The following ENPP5 variants were observed in gnomAD, a reference collection of about 807,000 sequenced individuals.
ENPP5 encodes ectonucleotide pyrophosphatase/phosphodiesterase family member 5.
ENPP5 carries 27 observed loss-of-function variants against 33.7 expected under a neutral mutation model. The observed-to-expected ratio is 0.80, with a 90% confidence interval of 0.59 to 1.11. The LOEUF (loss-of-function observed/expected upper bound fraction) is 1.11, where lower values mean the gene tolerates loss of function less well. ENPP5 is among the 50% of genes least tolerant of loss of function. The pLI is 0.00. For missense variants in ENPP5, 552 were observed against 579.2 expected (o/e 0.95, Z 0.48); for synonymous variants, 199 against 200.5 (o/e 0.99, Z 0.06).
chr6:46,164,481 A>G (rs1562069120), intron 4 of ENPP5, among the ~76,000 whole-genome samples: 1 of 152,226 alleles, frequency 6.6e-6, no homozygotes, highest in African/African-American at 2.4e-5. Flanking sequence ...GAATCATTAA[A>G]CATAATATAA....
chr6:46,165,290 A>G, intron 4 of ENPP5, 97 bp downstream of exon 4: 2 of 939,724 alleles, frequency 2.1e-6, no homozygotes, highest in Non-Finnish European at 1.5e-6. Context: ...ACAGACAGTA[A>G]AAATATCAAT....
In ENPP5 at chr6:46,161,271, A is replaced by C; in HGVS notation, c.*55T>G. ...TTCCCAGAATTTGAAACCTTTAAAC[A>C]CTGACATAATTATGGAATCTCCACT... On this transcript the variant is annotated 3_prime_UTR_variant, in exon 5 of 5. Coordinates refer to ENST00000371383, the MANE Select transcript of ENPP5 (RefSeq NM_001290072.2). The C allele has an allele frequency of 2.7e-6, 4 of 1,472,948 alleles. No homozygotes were observed. The highest frequency in any genetic ancestry group is 3.7e-6 in the Non-Finnish European group (4 of 1,080,890). The allele number at this position is 1,472,948 out of a possible 1,614,324, so 91.2% of individuals were successfully genotyped here.
intron 2 of ENPP5, among the ~76,000 whole-genome samples, chr6:46,169,577 G>C (rs950775048): frequency 1.3e-5 from 2 of 152,126 alleles, no homozygotes; most frequent in African/African-American, 4.8e-5. Flanking sequence ...ATTTTCAGTA[G>C]AGACAGGGTT....
chr6:46,167,127 A>T (rs1478423007), intron 3 of ENPP5, among the ~76,000 whole-genome samples: 1 of 152,116 alleles, frequency 6.6e-6, no homozygotes, highest in East Asian at 1.9e-4. Flanking sequence ...GTATCTTTCC[A>T]TCTCAATTTT....
rs1453788880 is a variant in ENPP5, at chr6:46,159,229, C to G, written c.*2097G>C. 1 of 152,090 alleles carries G rather than the reference C, an allele frequency of 6.6e-6. No individual in the cohort carries two copies. The highest frequency in any genetic ancestry group is 1.9e-4 in the East Asian group (1 of 5,194). 9.4% of individuals were successfully genotyped at this position (152,090 alleles called of 1,614,324 possible). ...AGTTTTATTTTTCTTCAGGTAAACT[C>G]TCCTATTTTACAGGAAAATAAGTAT... On this transcript the variant is annotated 3_prime_UTR_variant, in exon 5 of 5. Transcript: ENST00000371383.
At chr6:46,168,850 A>G (rs961958049) in intron 2 of ENPP5, among the ~76,000 whole-genome samples, 2 of 152,122 alleles carry the variant, frequency 1.3e-5, no homozygotes, top group African/African-American at 4.8e-5. Flanking sequence ...CTAAAGAGAG[A>G]GGAAAATAGA....
In ENPP5 at chr6:46,161,104, G is replaced by T. The variant is rs575125750; in HGVS notation, c.*222C>A. 1 of 529,710 alleles carries T rather than the reference G, an allele frequency of 1.9e-6. No individual in the cohort carries two copies. Among genetic ancestry groups the T allele is most frequent in the Non-Finnish European group, 3.4e-6 (1 of 294,252 alleles). The allele number at this position is 529,710 out of a possible 1,614,324, so 32.8% of individuals were successfully genotyped here. On this transcript the variant is annotated 3_prime_UTR_variant, in exon 5 of 5. Transcript: ENST00000371383. ...ATCTTATCTATCCCTATGCTACAGTGAACAATGGAGACATACTCTCACATC... is the reference window on the plus strand; with the variant it reads ...ATCTTATCTATCCCTATGCTACAGTTAACAATGGAGACATACTCTCACATC...
chr6:46,170,390 A>T (rs1365185178), intron 1 of ENPP5, among the ~76,000 whole-genome samples: 2 of 146,882 alleles, frequency 1.4e-5, no homozygotes, highest in Non-Finnish European at 1.5e-5. Context: ...AACAATCAGA[A>T]TTTTTTTTTT....
rs546695032 is a variant in ENPP5, at chr6:46,159,218, T to C, written c.*2108A>G. 5.1e-4 allele frequency: 78 copies of C among 152,304 alleles called. No individual in the cohort carries two copies. Among genetic ancestry groups the C allele is most frequent in the African/African-American group, 1.7e-3 (69 of 41,578 alleles). 9.4% of individuals were successfully genotyped at this position (152,304 alleles called of 1,614,324 possible). A position where few individuals can be genotyped will look rare whatever the true frequency, so the allele number is the denominator to read the frequency against. Reference sequence around the variant, plus strand: ...GAAAAGTTAAAAGTTTTATTTTTCTTCAGGTAAACTCTCCTATTTTACAGG... The same window carrying C: ...GAAAAGTTAAAAGTTTTATTTTTCTCCAGGTAAACTCTCCTATTTTACAGG... On this transcript the variant is annotated 3_prime_UTR_variant, in exon 5 of 5. Coordinates refer to ENST00000371383, the MANE Select transcript of ENPP5 (RefSeq NM_001290072.2).
In ENPP5 at chr6:46,161,660, G is replaced by A; in HGVS notation, c.1100C>T (p.Ala367Val). The A allele has an allele frequency of 1.2e-6, 2 of 1,613,510 alleles. No individual in the cohort carries two copies. The highest frequency in any genetic ancestry group is 1.7e-6 in the Non-Finnish European group (2 of 1,179,482). ...PAFRKNFSKEAMNSTDLYPLL... is the reference protein window; with the variant it reads ...PAFRKNFSKEVMNSTDLYPLL... ...TGGGTACAAATCTGTGGAGTTCATG[G>A]CTTCTTTTGAGAAATTCTTTCTGAA... Residue 367 changes from alanine (A) to valine (V), a missense_variant, in exon 5 of 5, where the codon GCC (alanine) becomes GTC (valine). Physicochemically the swap from Ala to Val is moderately conservative, Grantham distance 64 (BLOSUM62 0). Transcript: ENST00000371383.
rs1157765871 is a variant in ENPP5 at position 46,167,754 on chromosome 6, A to G, written c.509T>C (p.Ile170Thr). Residue 170 changes from isoleucine (I) to threonine (T), a missense_variant, in exon 3 of 5, where the codon ATT (isoleucine) becomes ACT (threonine). By Grantham distance (89) the Ile-to-Thr change is moderately conservative. Transcript: ENST00000371383. The part of the protein sequence containing the change: ...SVSFEDRVAK[I>T]IEWFTSKEPI... ...CTCTTTTGACGTAAACCATTCAATAATTTTGGCAACTCTATCTTCAAATGA... is the reference window on the plus strand; with the variant it reads ...CTCTTTTGACGTAAACCATTCAATAGTTTTGGCAACTCTATCTTCAAATGA... 1 of 1,614,026 alleles carries G rather than the reference A, an allele frequency of 6.2e-7. No individual in the cohort carries two copies. Among genetic ancestry groups the G allele is most frequent in the Non-Finnish European group, 8.5e-7 (1 of 1,180,042 alleles).
At position 46,167,854 on chromosome 6, in the gene ENPP5, C is replaced by A; in HGVS notation, c.409G>T (p.Ala137Ser). 6.2e-7 allele frequency: 1 copy of A among 1,614,178 alleles called. No individual in the cohort carries two copies. The highest frequency in any genetic ancestry group is 1.1e-5 in the South Asian group (1 of 91,078). The change falls in exon 3 of 5, where the codon GCC becomes TCC. Residue 137 changes from alanine to serine, a missense_variant. Transcript: ENST00000371383. Reference protein sequence around the residue: ...NQRAGHTSGAAMWPGTDVKIH... With the variant: ...NQRAGHTSGASMWPGTDVKIH... Reference sequence around the variant, plus strand: ...TTTACATCTGTTCCGGGCCACATGGCTGCACCACTAGTATGTCCTGCCCTC... The same window carrying A: ...TTTACATCTGTTCCGGGCCACATGGATGCACCACTAGTATGTCCTGCCCTC...
Position 46,160,361 on chromosome 6 carries a change from G to A in ENPP5, c.*965C>T, listed in dbSNP as rs954050779. ...ATGCTCAAATCTAAAAGATGCTTGT[G>A]CTCTGTTATTATGCGCTACCAGAAA... is the stretch of plus-strand genomic sequence containing the variant. On this transcript the variant is annotated 3_prime_UTR_variant, in exon 5 of 5. Transcript: ENST00000371383. 4 of 151,960 alleles carry A rather than the reference G, an allele frequency of 2.6e-5. No individual in the cohort carries two copies. Among genetic ancestry groups the A allele is most frequent in the African/African-American group, 9.7e-5 (4 of 41,388 alleles). 9.4% of individuals were successfully genotyped at this position (151,960 alleles called of 1,614,324 possible). A position where few individuals can be genotyped will look rare whatever the true frequency, so the allele number is the denominator to read the frequency against.
At chr6:46,162,591 C>G (rs186402956) in intron 4 of ENPP5, among the ~76,000 whole-genome samples, 530 of 152,248 alleles carry the variant, frequency 3.5e-3, no homozygotes, top group Non-Finnish European at 5.9e-3. Context: ...AAATCCATCT[C>G]TAATACTTAT....
intron 4 of ENPP5, among the ~76,000 whole-genome samples, chr6:46,162,676 C>T (rs147506723): frequency 0.01 from 1,552 of 152,126 alleles, 17 homozygotes; most frequent in South Asian, 0.029. Context: ...ATCAGTTTTT[C>T]GAAAAGTCAT....
At chr6:46,165,600 A>C (rs1581970196) in intron 3 of ENPP5, 37 bp from the exon 4 acceptor site, 1 of 1,429,852 alleles carries the variant, frequency 7.0e-7, no homozygotes, top group Non-Finnish European at 9.3e-7. Flanking sequence ...AGAACAAAAT[A>C]CTCATAGCTA....
chr6:46,165,587 C>T (rs750236145), intron 3 of ENPP5, 24 bp from the exon 4 acceptor site: 2 of 1,507,678 alleles, frequency 1.3e-6, no homozygotes, highest in Non-Finnish European at 1.8e-6. Context: ...AGGAGAGGCA[C>T]TCAGAACAAA....
chr6:46,165,224 A>T (rs1764506549), intron 4 of ENPP5, 163 bp downstream of exon 4: 3 of 537,350 alleles, frequency 5.6e-6, no homozygotes, highest in Non-Finnish European at 9.2e-6. Context: ...ACCAATATCT[A>T]AAAAAAGCAT....
intron 2 of ENPP5, among the ~76,000 whole-genome samples, chr6:46,169,115 C>G (rs906301895): frequency 2.0e-5 from 3 of 152,160 alleles, no homozygotes; most frequent in Admixed American, 2.0e-4. Context: ...CTCTGTGAAT[C>G]AAGGTTGCTG....
Sources: allele counts gnomAD v4.1 joint callset (sites outside exome capture counted in the v4.1 genomes callset), GRCh38; gene constraint gnomAD v4.1.1; transcripts MANE v1.5; gene names NCBI Gene and HGNC (gene_info 2026-07-23, HGNC 2026-07-21).